CENPM: variants seen among roughly 807,000 people sequenced by gnomAD.
CENPM encodes the protein centromere protein M, also known as interphase centromere complex protein 39.
CENPM carries 14 observed loss-of-function variants against 19.6 expected under a neutral mutation model. The ratio of observed to expected loss-of-function variants is 0.71; its 90% CI spans 0.47 to 1.11. The LOEUF is 1.11. Among genes scored for constraint, CENPM ranks in the 50% most tolerant of loss-of-function variants. The probability of loss-of-function intolerance (pLI) is 0.00; values close to 1 mark genes in which losing one functional copy is unlikely to be tolerated. For missense variants in CENPM, 239 were observed against 228.4 expected (o/e 1.05, Z -0.30); for synonymous variants, 114 against 101.5 (o/e 1.12, Z -0.74).
At chr22:41,943,550 G>T in intron 5 of CENPM, 60 bp downstream of exon 5, 1 of 1,466,550 alleles carries the variant, frequency 6.8e-7, no homozygotes. Context: ...CCCACTGTGT[G>T]CTGACCACCC....
chr22:41,946,582 G>GA, intron 1 of CENPM, 86 bp from the exon 2 acceptor site: 1 of 1,099,984 alleles, frequency 9.1e-7, no homozygotes, highest in Non-Finnish European at 1.3e-6. Flanking sequence ...CTCCCGGGGG[G>GA]ATCGGGACAC....
At chr22:41,931,083 G>T in the CENPM span, among the ~76,000 whole-genome samples, 1 of 145,508 alleles carries the variant, frequency 6.9e-6, no homozygotes, top group Non-Finnish European at 1.5e-5. Flanking sequence ...CGACCTGCGC[G>T]CCTCGGCCTC....
At chr22:41,936,500 C>A (rs1234692912), downstream of CENPM, among the ~76,000 whole-genome samples, 1 of 152,176 alleles carries the variant, frequency 6.6e-6, no homozygotes, top group Non-Finnish European at 1.5e-5. Context: ...AGGGGTGGGG[C>A]CTGAGCTAAG....
At chr22:41,927,379 T>C in the CENPM span, among the ~76,000 whole-genome samples, 9 of 151,998 alleles carry the variant, frequency 5.9e-5, no homozygotes, top group Non-Finnish European at 1.2e-4. Context: ...AGACCCTGAG[T>C]GGTTCCTCTG....
intron 3 of CENPM, 142 bp from the exon 4 acceptor site, chr22:41,945,446 A>ATT: frequency 7.5e-7 from 1 of 1,332,986 alleles, no homozygotes; most frequent in Non-Finnish European, 9.8e-7. Context: ...TTTGTCCTTT[A>ATT]ATTTTTTTTT....
At chr22:41,930,293 G>T in the CENPM span, among the ~76,000 whole-genome samples, 4 of 147,964 alleles carry the variant, frequency 2.7e-5, no homozygotes, top group African/African-American at 7.5e-5. Flanking sequence ...GCAGTGGCGT[G>T]ATCTCGGCTC....
rs757093691 is a variant in CENPM at position 41,943,663 on chromosome 22, C to T, written c.349G>A (p.Val117Met). 35 of 1,613,638 alleles carry T rather than the reference C, an allele frequency of 2.2e-5. No individual in the cohort carries two copies. Among genetic ancestry groups the T allele is most frequent in the Middle Eastern group, 1.7e-4 (1 of 6,004 alleles). ...ESHCSIHRHT[V>M]VKLAHTYQSP... ...TGATAGGTGTGGGCCAGCTTCACCA[C>T]GGTGTGCCGGTGAATGCTGCAGTGG... is the stretch of plus-strand genomic sequence containing the variant. Residue 117 changes from valine (V) to methionine (M), a missense_variant, in exon 5 of 6, where the codon GTG becomes ATG. By Grantham distance (21) the Val-to-Met change is conservative. Transcript: ENST00000215980.
In CENPM at chr22:41,946,860, G is replaced by A. The variant is rs924212665; in HGVS notation, c.57+160C>T. 2.0e-4 allele frequency: 136 copies of A among 677,490 alleles called. 3 individuals carry two copies. In the South Asian group the frequency reaches 2.3e-3, roughly 12 times the overall value. The allele number at this position is 677,490 out of a possible 1,614,324, so 42.0% of individuals were successfully genotyped here. ...GTGCGTCCCTCAACCTCAGAGAGCG[G>A]CTACTCCAATTGGTTCAGAGCATGG... On this transcript the variant is annotated intron_variant, in intron 1 of 5. Transcript: ENST00000215980.
the CENPM span, among the ~76,000 whole-genome samples, chr22:41,929,161 G>C: frequency 1.3e-5 from 2 of 151,730 alleles, no homozygotes; most frequent in Non-Finnish European, 2.9e-5. Flanking sequence ...TACAGGGATG[G>C]GGGACAGGAC....
downstream of CENPM, among the ~76,000 whole-genome samples, chr22:41,934,634 A>G (rs2077676552): frequency 6.6e-6 from 1 of 152,214 alleles, no homozygotes; most frequent in Non-Finnish European, 1.5e-5. Flanking sequence ...GCAATTTGAG[A>G]CCAGCCTGGG....
chr22:41,942,429 A>G (rs1158846553), intron 5 of CENPM, among the ~76,000 whole-genome samples: 1 of 152,202 alleles, frequency 6.6e-6, no homozygotes, highest in Non-Finnish European at 1.5e-5. Flanking sequence ...TGGGGAACAC[A>G]GCAAGACCTC....
the CENPM span, among the ~76,000 whole-genome samples, chr22:41,933,708 A>G: frequency 2.0e-5 from 3 of 151,636 alleles, no homozygotes; most frequent in Non-Finnish European, 4.4e-5. Flanking sequence ...TTTCACAGAG[A>G]CTCTCTGCCT....
chr22:41,945,485 TTG>T, intron 3 of CENPM, 181 bp from the exon 4 acceptor site: 2 of 1,301,682 alleles, frequency 1.5e-6, no homozygotes, highest in Non-Finnish European at 2.0e-6. Context: ...GAGTTTCACT[TTG>T]TTGCCCAGGC....
At chr22:41,932,592 C>G in the CENPM span, among the ~76,000 whole-genome samples, 1 of 152,236 alleles carries the variant, frequency 6.6e-6, no homozygotes, top group Non-Finnish European at 1.5e-5. The surrounding 1 kb of genome is among the most constrained non-coding windows in gnomAD (Gnocchi z 4.3). Context: ...CAGGGTCTGG[C>G]CAGGGCACCC....
rs2077794934 is a variant in CENPM at position 41,945,926 on chromosome 22, G to A, written c.217C>T (p.His73Tyr). The stretch of plus-strand genomic sequence containing the variant: ...TCTGGCTCTCACCTGTATTTGCTGT[G>A]AAGATTAACCACAAACACGATCAGG... ...IDLIVFVVNL[H>Y]SKYSLQNTEE... Residue 73 changes from histidine (H) to tyrosine (Y), a missense_variant, in exon 3 of 6, where the codon CAC (histidine) becomes TAC (tyrosine). By Grantham distance (83) the His-to-Tyr change is moderately conservative. Coordinates refer to ENST00000215980, the MANE Select transcript of CENPM (RefSeq NM_024053.5). 5.6e-6 allele frequency: 9 copies of A among 1,613,796 alleles called. No homozygotes were observed. The highest frequency in any genetic ancestry group is 7.6e-6 in the Non-Finnish European group (9 of 1,179,778).
intron 5 of CENPM, among the ~76,000 whole-genome samples, chr22:41,941,036 T>G (rs6002548): frequency 0.27 from 40,621 of 152,122 alleles, 6,240 homozygotes; most frequent in African/African-American, 0.39. Flanking sequence ...CTGCTGTTGC[T>G]TATGTTACAT....
chr22:41,935,874 C>CTTT (rs763615752), downstream of CENPM, among the ~76,000 whole-genome samples: 525 of 140,502 alleles, frequency 3.7e-3, 3 homozygotes, highest in African/African-American at 0.013. Flanking sequence ...ATGCCCAAAT[C>CTTT]TTTTTTTTTT....
chr22:41,945,216 C>G lies in CENPM; in HGVS notation c.310+9G>C. On this transcript the variant is annotated intron_variant, in intron 4 of 5. Transcript: ENST00000215980. Reference sequence around the variant, plus strand: ...GGGGTGGGCAGTAACAGGCGAGGAACGTACTTACCACCTGTGGCGAGGAAA... The same window carrying G: ...GGGGTGGGCAGTAACAGGCGAGGAAGGTACTTACCACCTGTGGCGAGGAAA... 1 of 1,613,932 alleles carries G rather than the reference C, an allele frequency of 6.2e-7. No homozygotes were observed. The highest frequency in any genetic ancestry group is 1.6e-4 in the Middle Eastern group (1 of 6,062).
At chr22:41,944,824 A>T (rs2146614547) in intron 4 of CENPM, 17 of 1,022,726 alleles carry the variant, frequency 1.7e-5, no homozygotes, top group Non-Finnish European at 1.9e-5. Flanking sequence ...ACAGGCAACC[A>T]CTAGGCAACT....
Sources: allele counts gnomAD v4.1 joint callset (sites outside exome capture counted in the v4.1 genomes callset), GRCh38; gene constraint gnomAD v4.1.1; non-coding constraint Gnocchi (gnomAD v3.1); transcripts MANE v1.5; gene names NCBI Gene and HGNC (gene_info 2026-07-23, HGNC 2026-07-21).